The following TAFA1 variants were observed in gnomAD, a reference collection of about 807,000 sequenced individuals.
The protein encoded by TAFA1 is TAFA chemokine like family member 1.
A neutral mutation model predicts 18.5 loss-of-function variants in TAFA1; 4 were observed. That is an observed-to-expected ratio of 0.22 (90% CI 0.11 to 0.49). The LOEUF (loss-of-function observed/expected upper bound fraction) is 0.49, where lower values mean the gene tolerates loss of function less well. Among genes scored for constraint, TAFA1 ranks in the 20% least tolerant of loss-of-function variants. The probability of loss-of-function intolerance (pLI) is 0.98; values close to 1 mark genes in which losing one functional copy is unlikely to be tolerated. For synonymous variants in TAFA1, 56 were observed against 55.2 expected (o/e 1.01, Z -0.06); for missense variants, 147 against 169.0 (o/e 0.87, Z 0.72).
chr3:68,314,944 A>G (rs1365027899), intron 2 of TAFA1, among the ~76,000 whole-genome samples: 1 of 149,166 alleles, frequency 6.7e-6, no homozygotes, highest in Non-Finnish European at 1.5e-5. Flanking sequence ...ATTAATATTT[A>G]TCACTATATA....
chr3:68,010,384 GCCTCACCT>G (rs1704448479), intron 2 of TAFA1, among the ~76,000 whole-genome samples: 24 of 152,278 alleles, frequency 1.6e-4, no homozygotes, highest in Admixed American at 1.4e-3. Flanking sequence ...CGTTCAGATT[GCCTCACCT>G]GGATGGCACC....
At chr3:68,329,064 C>A (rs947466078) in intron 2 of TAFA1, among the ~76,000 whole-genome samples, 15 of 150,320 alleles carry the variant, frequency 1.0e-4, no homozygotes, top group African/African-American at 3.7e-4. Flanking sequence ...GAGAAGTAAA[C>A]AGTCTTGCTT....
intron 3 of TAFA1, among the ~76,000 whole-genome samples, chr3:68,427,047 C>T (rs760110406): frequency 1.3e-5 from 2 of 151,774 alleles, no homozygotes; most frequent in Non-Finnish European, 2.9e-5. Flanking sequence ...ATGTGTATGT[C>T]ATGTGTGTGA....
At chr3:68,366,606 G>T (rs2069577925) in intron 2 of TAFA1, among the ~76,000 whole-genome samples, 1 of 152,142 alleles carries the variant, frequency 6.6e-6, no homozygotes, top group South Asian at 2.1e-4. Context: ...TTCCTTACAG[G>T]CAGGCAATAT....
chr3:68,046,789 G>A (rs1353570658), intron 2 of TAFA1, among the ~76,000 whole-genome samples: 1 of 152,146 alleles, frequency 6.6e-6, no homozygotes, highest in Non-Finnish European at 1.5e-5. Context: ...CTTGAACACA[G>A]CCTCCAGTCA....
chr3:68,383,992 T>A (rs934607114), intron 2 of TAFA1, among the ~76,000 whole-genome samples: 1 of 152,166 alleles, frequency 6.6e-6, no homozygotes, highest in Admixed American at 6.6e-5. Flanking sequence ...TTTCTGATGG[T>A]TGTTTGTATT....
intron 2 of TAFA1, among the ~76,000 whole-genome samples, chr3:68,381,381 A>G (rs1247486641): frequency 6.6e-6 from 1 of 151,682 alleles, no homozygotes; most frequent in Non-Finnish European, 1.5e-5. Context: ...TTTTCATGAT[A>G]TTGATTCTTC....
intron 2 of TAFA1, among the ~76,000 whole-genome samples, chr3:68,300,788 G>A (rs2068290278): frequency 6.6e-6 from 1 of 152,152 alleles, no homozygotes; most frequent in Non-Finnish European, 1.5e-5. Context: ...CACAAGATTT[G>A]ATGGTTTTAT....
At chr3:68,258,093 A>T (rs942378195) in intron 2 of TAFA1, among the ~76,000 whole-genome samples, 2 of 152,198 alleles carry the variant, frequency 1.3e-5, no homozygotes, top group African/African-American at 4.8e-5. Flanking sequence ...GAAAAGGACT[A>T]AAGTGAAAAA....
chr3:68,288,271 T>C (rs917573433), intron 2 of TAFA1, among the ~76,000 whole-genome samples: 4 of 152,216 alleles, frequency 2.6e-5, no homozygotes, highest in African/African-American at 9.6e-5. Flanking sequence ...CGTGGATCCC[T>C]GACATTGCCA....
chr3:68,026,832 A>G (rs370425093), intron 2 of TAFA1, among the ~76,000 whole-genome samples: 1 of 152,176 alleles, frequency 6.6e-6, no homozygotes, highest in Non-Finnish European at 1.5e-5. Flanking sequence ...GCATTGCTAT[A>G]AAGAAATATC....
At chr3:68,324,361 A>G (rs1438758216) in intron 2 of TAFA1, among the ~76,000 whole-genome samples, 1 of 152,196 alleles carries the variant, frequency 6.6e-6, no homozygotes, top group Non-Finnish European at 1.5e-5. Context: ...ACATCTTCTC[A>G]TAATACAAAA....
At chr3:68,035,188 T>C (rs930208980) in intron 2 of TAFA1, among the ~76,000 whole-genome samples, 5 of 152,214 alleles carry the variant, frequency 3.3e-5, no homozygotes, top group African/African-American at 4.8e-5. Flanking sequence ...AATTAGACTT[T>C]TATTTCCAGA....
intron 2 of TAFA1, among the ~76,000 whole-genome samples, chr3:68,413,512 CT>C (rs2070756193): frequency 6.6e-6 from 1 of 152,124 alleles, no homozygotes; most frequent in Admixed American, 6.6e-5. Flanking sequence ...TCTGTATCAT[CT>C]CTAGAAAATG....
chr3:68,540,776 A>G (rs2073359397), intron 4 of TAFA1, among the ~76,000 whole-genome samples: 1 of 152,216 alleles, frequency 6.6e-6, no homozygotes, highest in Non-Finnish European at 1.5e-5. Context: ...GATAGAATAT[A>G]AAACAAACAA....
rs1237937915 is a variant in TAFA1 at position 68,176,318 on chromosome 3, CA to C, written c.118+169579del. Among the ~76,000 whole-genome samples the C allele has an allele frequency of 2.0e-5, 3 of 152,144 alleles. No individual in the cohort carries two copies. In the East Asian group the frequency reaches 5.8e-4, roughly 29 times the overall value. ...GCAACATATTGAGACCCTGTTTCTA[CA>C]AAAATTGAAAAAACTAGGTGAGCAT... On this transcript the variant is annotated intron_variant, in intron 2 of 4. Transcript: ENST00000478136.
chr3:68,219,426 C>T (rs538458073), intron 2 of TAFA1, among the ~76,000 whole-genome samples: 34 of 152,068 alleles, frequency 2.2e-4, no homozygotes, highest in Non-Finnish European at 4.6e-4. Context: ...CTCTGTTACC[C>T]TATCTTTTGG....
At chr3:68,431,864 T>G (rs902304374) in intron 3 of TAFA1, among the ~76,000 whole-genome samples, 1 of 151,870 alleles carries the variant, frequency 6.6e-6, no homozygotes, top group African/African-American at 2.4e-5. Context: ...GAAAAAGAAA[T>G]TCCTAGCCCT....
intron 2 of TAFA1, among the ~76,000 whole-genome samples, chr3:68,339,185 A>G (rs928623268): frequency 6.6e-6 from 1 of 152,222 alleles, no homozygotes; most frequent in Non-Finnish European, 1.5e-5. Flanking sequence ...GCTTACATCC[A>G]CCATAGTCAC....
Sources: gnomAD v4.1 joint callset for allele counts (sites outside exome capture counted in the v4.1 genomes callset) on GRCh38, gnomAD v4.1.1 for gene constraint, MANE v1.5 for transcripts, NCBI Gene and HGNC (gene_info 2026-07-23, HGNC 2026-07-21) for gene names.